VGLL4: variants seen among roughly 807,000 people sequenced by gnomAD.
The protein encoded by VGLL4 is transcription cofactor vestigial-like protein 4.
Under a neutral mutation model 21.0 loss-of-function variants are expected in VGLL4, and 7 were observed. That is an observed-to-expected ratio of 0.33 (90% confidence interval 0.19 to 0.63). VGLL4 has a LOEUF of 0.63. Among genes scored for constraint, VGLL4 ranks in the 20% least tolerant of loss-of-function variants. VGLL4 has a pLI of 0.78. For missense variants in VGLL4, 394 were observed against 425.7 expected (o/e 0.93, Z 0.66); for synonymous variants, 222 against 173.2 (o/e 1.28, Z -2.21).
intron 2 of VGLL4, among the ~76,000 whole-genome samples, chr3:11,682,487 A>G (rs891410088): frequency 4.0e-5 from 6 of 151,870 alleles, no homozygotes; most frequent in African/African-American, 1.5e-4. Flanking sequence ...CTGTGACACA[A>G]GAATCACTCG....
intron 2 of VGLL4, among the ~76,000 whole-genome samples, chr3:11,665,506 C>CT (rs1379781322): frequency 6.6e-6 from 1 of 152,248 alleles, no homozygotes; most frequent in Non-Finnish European, 1.5e-5. Flanking sequence ...TCACACTGTG[C>CT]TGCCAGCCAC....
chr3:11,692,169 T>C (rs1318668450), intron 2 of VGLL4, among the ~76,000 whole-genome samples: 1 of 152,222 alleles, frequency 6.6e-6, no homozygotes, highest in African/African-American at 2.4e-5. Context: ...TCTAAACAGC[T>C]ATTCAGTGGA....
At position 11,558,239 on chromosome 3, in the gene VGLL4, C is replaced by G. The variant is rs567702089; in HGVS notation, c.*317G>C. ...TCATCATGGCTTGTGACTGAGAAAG[C>G]GCTGTGGAGTCCTGGCCCCGTCGGG... On this transcript the variant is annotated 3_prime_UTR_variant, in exon 5 of 5. Transcript: ENST00000430365. 10 of 428,734 alleles carry G rather than the reference C, an allele frequency of 2.3e-5. No individual in the cohort carries two copies. The highest frequency in any genetic ancestry group is 1.8e-4 in the African/African-American group (9 of 50,980). The allele number at this position is 428,734 out of a possible 1,614,324, so 26.6% of individuals were successfully genotyped here.
At position 11,564,859 on chromosome 3, in the gene VGLL4, T is replaced by A; in HGVS notation, c.433A>T (p.Ser145Cys). Residue 145 changes from serine (S) to cysteine (C), a missense_variant, in exon 3 of 5, where the codon AGC becomes TGC. Coordinates refer to ENST00000430365, the MANE Select transcript of VGLL4 (RefSeq NM_001128219.3). ...LEQPLALTKNSLDASRPAGLS... is the reference protein window; with the variant it reads ...LEQPLALTKNCLDASRPAGLS... ...CCGGCTGGCCTGCTGGCGTCCAGGC[T>A]GTTCTTGGTCAGTGCGAGGGGCTGC... is the stretch of plus-strand genomic sequence containing the variant. 1 of 1,608,552 alleles carries A rather than the reference T, an allele frequency of 6.2e-7. No homozygotes were observed. Among genetic ancestry groups the A allele is most frequent in the Non-Finnish European group, 8.5e-7 (1 of 1,178,428 alleles).
chr3:11,660,643 C>G (rs894719305), intron 2 of VGLL4, among the ~76,000 whole-genome samples: 1 of 152,098 alleles, frequency 6.6e-6, no homozygotes, highest in African/African-American at 2.4e-5. Context: ...ATATCTCTAT[C>G]CCAGTATGGT....
chr3:11,622,739 T>A (rs2075287486), intron 1 of VGLL4, among the ~76,000 whole-genome samples: 1 of 152,220 alleles, frequency 6.6e-6, no homozygotes, highest in African/African-American at 2.4e-5. Context: ...CATTAACCTT[T>A]AGGGTGTAGC....
upstream of VGLL4, among the ~76,000 whole-genome samples, chr3:11,645,699 C>T (rs977178842): frequency 1.3e-4 from 20 of 151,342 alleles, no homozygotes; most frequent in Non-Finnish European, 5.9e-5. Flanking sequence ...AGTCCGGATG[C>T]GGTGGCTCAC....
chr3:11,558,589 G>T lies in VGLL4; in HGVS notation c.858C>A (p.Val286=), dbSNP rs1173998739. 2 of 1,604,528 alleles carry T rather than the reference G, an allele frequency of 1.2e-6. No homozygotes were observed. Among genetic ancestry groups the T allele is most frequent in the Non-Finnish European group, 1.7e-6 (2 of 1,179,916 alleles). ...GQPASPSAHM[V]SHSHSPSVVS is the part of the protein sequence containing the mutation. Reference sequence around the variant, plus strand: ...CCACAGAGGGGGAGTGACTGTGGCTGACCATGTGGGCAGAGGGGCTGGCGG... The same window carrying T: ...CCACAGAGGGGGAGTGACTGTGGCTTACCATGTGGGCAGAGGGGCTGGCGG... Residue 286 remains valine, a synonymous_variant, in exon 5 of 5, where the codon GTC becomes GTA. Coordinates refer to ENST00000430365, the MANE Select transcript of VGLL4 (RefSeq NM_001128219.3).
At chr3:11,685,851 C>A (rs1487971920) in intron 2 of VGLL4, among the ~76,000 whole-genome samples, 2 of 149,712 alleles carry the variant, frequency 1.3e-5, no homozygotes, top group African/African-American at 2.5e-5. Flanking sequence ...GACTCCATCT[C>A]AAAAAAAAAG....
At chr3:11,647,002 G>T (rs2075804095), upstream of VGLL4, among the ~76,000 whole-genome samples, 1 of 152,140 alleles carries the variant, frequency 6.6e-6, no homozygotes, top group Non-Finnish European at 1.5e-5. Flanking sequence ...GAAATTTGAG[G>T]GCTGTAGTTT....
chr3:11,710,489 G>A (rs1333896298), intron 1 of VGLL4: 1 of 152,154 alleles, frequency 6.6e-6, no homozygotes, highest in East Asian at 1.9e-4. Flanking sequence ...TGGAGGCCAG[G>A]GGGGTGAGCA....
chr3:11,586,118 T>A (rs2074356070), intron 2 of VGLL4, among the ~76,000 whole-genome samples: 1 of 152,196 alleles, frequency 6.6e-6, no homozygotes, highest in Non-Finnish European at 1.5e-5. Context: ...AAAAAGAATG[T>A]AAAAGAATTT....
At chr3:11,693,678 C>T (rs922030901) in intron 2 of VGLL4, among the ~76,000 whole-genome samples, 1 of 152,158 alleles carries the variant, frequency 6.6e-6, no homozygotes, top group Admixed American at 6.5e-5. Context: ...AGTCCTGTGG[C>T]AGCGTGCACC....
chr3:11,568,631 G>A lies in VGLL4; in HGVS notation c.273-3612C>T, dbSNP rs752860483. On this transcript the variant is annotated intron_variant, in intron 2 of 4. Transcript: ENST00000430365. The surrounding 1 kb of genome is among the most constrained non-coding windows in gnomAD (Gnocchi z 5.9). ...TTTCCAGCTCATTTTCCTGGTTCCC[G>A]GAGCTTCAAGACAGACATTGTTTTC... The A allele has an allele frequency of 1.2e-5, 19 of 1,569,384 alleles. No homozygotes were observed. Among genetic ancestry groups the A allele is most frequent in the East Asian group, 9.4e-5 (4 of 42,772 alleles).
At chr3:11,696,170 C>T (rs2076604291) in intron 2 of VGLL4, among the ~76,000 whole-genome samples, 1 of 152,184 alleles carries the variant, frequency 6.6e-6, no homozygotes, top group Non-Finnish European at 1.5e-5. Flanking sequence ...AGACTCAACA[C>T]CAAGACTCCA....
At chr3:11,595,896 A>G (rs1446185960) in intron 2 of VGLL4, among the ~76,000 whole-genome samples, 6 of 151,738 alleles carry the variant, frequency 4.0e-5, no homozygotes, top group Non-Finnish European at 2.9e-5. Context: ...TGACAAGTTA[A>G]TGGGTGCAGC....
At chr3:11,691,488 G>A (rs1039996391) in intron 2 of VGLL4, among the ~76,000 whole-genome samples, 1 of 152,082 alleles carries the variant, frequency 6.6e-6, no homozygotes, top group Admixed American at 6.6e-5. Flanking sequence ...CATTTGCCAT[G>A]GTGTAAATAC....
At chr3:11,678,599 C>G (rs762485834) in intron 2 of VGLL4, among the ~76,000 whole-genome samples, 5 of 152,174 alleles carry the variant, frequency 3.3e-5, no homozygotes, top group Non-Finnish European at 7.3e-5. Flanking sequence ...ATAATATTCT[C>G]CCTCAATCAC....
intron 2 of VGLL4, among the ~76,000 whole-genome samples, chr3:11,682,271 G>T (rs888013862): frequency 6.6e-6 from 1 of 152,054 alleles, no homozygotes; most frequent in African/African-American, 2.4e-5. Flanking sequence ...TGGGCGTGGT[G>T]GTGGGCACCT....
Sources: gnomAD v4.1 joint callset for allele counts (sites outside exome capture counted in the v4.1 genomes callset) on GRCh38, gnomAD v4.1.1 for gene constraint, Gnocchi (gnomAD v3.1) non-coding constraint, MANE v1.5 for transcripts, NCBI Gene and HGNC (gene_info 2026-07-23, HGNC 2026-07-21) for gene names.